SASS6: variants seen among roughly 807,000 people sequenced by gnomAD.
SASS6 encodes SAS-6 centriolar assembly protein.
A neutral mutation model predicts 94.9 loss-of-function variants in SASS6; 59 were observed. The ratio of observed to expected loss-of-function variants is 0.62; its 90% CI spans 0.50 to 0.77. SASS6 has a LOEUF of 0.77. SASS6 is among the 30% of genes least tolerant of loss of function. The pLI is 0.00. For missense variants in SASS6, 698 were observed against 734.1 expected, an observed-to-expected ratio of 0.95 and a Z score of 0.57; for synonymous variants, 264 against 270.0, an observed-to-expected ratio of 0.98 and a Z score of 0.22.
chr1:100,092,637 G>A (rs1477636580), intron 14 of SASS6, among the ~76,000 whole-genome samples: 2 of 151,892 alleles, frequency 1.3e-5, no homozygotes, highest in Admixed American at 6.6e-5. Flanking sequence ...GTGCAGAGGC[G>A]CAATCTCGGC....
At chr1:100,102,321 T>C (rs918571255) in intron 14 of SASS6, among the ~76,000 whole-genome samples, 6 of 151,974 alleles carry the variant, frequency 3.9e-5, no homozygotes, top group Admixed American at 3.9e-4. Context: ...TCCAACAGTA[T>C]GAAGTCAGAA....
At chr1:100,129,574 T>G (rs1421367696) in intron 1 of SASS6, among the ~76,000 whole-genome samples, 1 of 152,174 alleles carries the variant, frequency 6.6e-6, no homozygotes, top group Non-Finnish European at 1.5e-5. Flanking sequence ...CACCACACTA[T>G]CTAATAACTG....
chr1:100,098,632 C>T (rs1652258918), intron 14 of SASS6, among the ~76,000 whole-genome samples: 2 of 150,890 alleles, frequency 1.3e-5, no homozygotes, highest in Non-Finnish European at 2.9e-5. Flanking sequence ...GATGTATGCA[C>T]AAAAATATTT....
chr1:100,113,831 A>G (rs770980599), intron 7 of SASS6, among the ~76,000 whole-genome samples: 2 of 152,040 alleles, frequency 1.3e-5, no homozygotes, highest in Non-Finnish European at 2.9e-5. Flanking sequence ...AAATCACAAG[A>G]CAATATGCAC....
At chr1:100,108,124 G>GTACAGATTTTTTTTTAAAAGCATAAA in intron 8 of SASS6, 120 bp from the exon 9 acceptor site, 1 of 543,182 alleles carries the variant, frequency 1.8e-6, no homozygotes, top group Non-Finnish European at 3.1e-6. Flanking sequence ...TAAAGTTTTA[G>GTACAGATTTTTTTTTAAAAGCATAAA]TACAGATTTT....
At position 100,121,504 on chromosome 1, in the gene SASS6, T is replaced by C. The variant is rs773580243; in HGVS notation, c.357A>G (p.Ser119=). The C allele has an allele frequency of 1.9e-5, 31 of 1,600,688 alleles. No individual in the cohort carries two copies. The highest frequency in any genetic ancestry group is 3.4e-5 in the Admixed American group (2 of 58,208). The change falls in exon 5 of 17, where the codon TCA becomes TCG. Residue 119 remains serine, a synonymous_variant. Transcript: ENST00000287482. ...LVSPAAILDN[S]PAFLNVVETN... ...TCTCTACCACATTTAAAAATGCAGGTGAGTTATCCAAAATAGCTGCTGGAG... is the reference window on the plus strand; with the variant it reads ...TCTCTACCACATTTAAAAATGCAGGCGAGTTATCCAAAATAGCTGCTGGAG...
intron 7 of SASS6, 109 bp from the exon 8 acceptor site, chr1:100,110,592 C>CT: frequency 2.2e-5 from 12 of 533,810 alleles, no homozygotes; most frequent in East Asian, 3.4e-5. Context: ...TTTTCTTTTT[C>CT]TTTTTTGTCT....
rs113803226 is a variant in SASS6 at position 100,122,409 on chromosome 1, A to G, written c.282T>C (p.Cys94=). Residue 94 remains cysteine (C), a synonymous_variant, in exon 4 of 17, where the codon TGT becomes TGC. Transcript: ENST00000287482. ...GAATTTCTTTGGCATGTTCTTGAGT[A>G]CATTGCTGAAGGAGATCTATAAATT... ...PQKFIDLLQQ[C]TQEHAKEIPR... is the part of the protein sequence containing the mutation. The G allele has an allele frequency of 1.3e-6, 2 of 1,551,926 alleles. No individual in the cohort carries two copies. The highest frequency in any genetic ancestry group is 1.8e-6 in the Non-Finnish European group (2 of 1,127,138).
At chr1:100,087,127 C>T (rs1009454073) in intron 15 of SASS6, among the ~76,000 whole-genome samples, 9 of 152,084 alleles carry the variant, frequency 5.9e-5, no homozygotes, top group Admixed American at 1.3e-4. Flanking sequence ...TGAGATTACA[C>T]GTGCCCACCA....
At chr1:100,126,442 A>G (rs1654623693) in intron 1 of SASS6, among the ~76,000 whole-genome samples, 1 of 152,250 alleles carries the variant, frequency 6.6e-6, no homozygotes, top group South Asian at 2.1e-4. Flanking sequence ...TTACCATGTC[A>G]TGTAATCAAA....
intron 14 of SASS6, among the ~76,000 whole-genome samples, chr1:100,100,202 GT>G (rs1652375077): frequency 6.6e-6 from 1 of 152,134 alleles, no homozygotes; most frequent in African/African-American, 2.4e-5. Context: ...GGAGGTGGAG[GT>G]TGCAGTGAGC....
intron 14 of SASS6, among the ~76,000 whole-genome samples, chr1:100,099,849 C>G (rs1645589983): frequency 6.6e-6 from 1 of 152,106 alleles, no homozygotes; most frequent in South Asian, 2.1e-4. Context: ...AGAATTGTCT[C>G]CCTAAGCCTT....
intron 7 of SASS6, among the ~76,000 whole-genome samples, chr1:100,114,699 C>A (rs1034294411): frequency 7.2e-5 from 11 of 151,944 alleles, no homozygotes; most frequent in African/African-American, 1.7e-4. Flanking sequence ...GCCTGGGCAA[C>A]AGAGCAAGAC....
chr1:100,120,531 C>A, intron 5 of SASS6, 72 bp from the exon 6 acceptor site: 1 of 699,892 alleles, frequency 1.4e-6, no homozygotes, highest in Non-Finnish European at 2.6e-6. Flanking sequence ...CAAAGTATAG[C>A]ATCAGCATCA....
chr1:100,087,128 G>A (rs114793320), intron 15 of SASS6, among the ~76,000 whole-genome samples: 7,445 of 152,106 alleles, frequency 0.049, 211 homozygotes, highest in African/African-American at 0.069. Flanking sequence ...GAGATTACAC[G>A]TGCCCACCAC....
chr1:100,118,882 G>A, intron 7 of SASS6, 136 bp downstream of exon 7: 1 of 474,484 alleles, frequency 2.1e-6, no homozygotes, highest in Non-Finnish European at 3.4e-6. Context: ...GACTTTGAAA[G>A]AGAGGATTTT....
At position 100,119,118 on chromosome 1, in the gene SASS6, TG is replaced by T; in HGVS notation, c.568del (p.Gln190LysfsTer3). ...FTRKTLAEKK[Q>X]ELDKLRNEWA... ...TTCATTCCGTAACTTATCTAATTCT[TG>T]TTTTTTTTCTGCTAATGTCTACATT... On this transcript the variant is annotated frameshift_variant, in exon 7 of 17. Coordinates refer to ENST00000287482, the MANE Select transcript of SASS6 (RefSeq NM_194292.3). LOFTEE classifies it high-confidence loss of function. 6.4e-7 allele frequency: 1 copy of T among 1,568,940 alleles called. No homozygotes were observed. The highest frequency in any genetic ancestry group is 8.7e-7 in the Non-Finnish European group (1 of 1,148,178).
intron 13 of SASS6, 70 bp from the exon 14 acceptor site, chr1:100,103,153 G>A: frequency 1.0e-6 from 1 of 984,714 alleles, no homozygotes; most frequent in Non-Finnish European, 1.5e-6. Context: ...TGATCAGGTG[G>A]CATTAGCATC....
intron 8 of SASS6, among the ~76,000 whole-genome samples, chr1:100,108,328 T>A (rs1191644468): frequency 6.6e-6 from 1 of 152,086 alleles, no homozygotes; most frequent in Non-Finnish European, 1.5e-5. Flanking sequence ...TAACCACGGG[T>A]GAGAGCCGCC....
Sources: allele counts gnomAD v4.1 joint callset (sites outside exome capture counted in the v4.1 genomes callset), GRCh38; gene constraint gnomAD v4.1.1; transcripts MANE v1.5; gene names NCBI Gene and HGNC (gene_info 2026-07-23, HGNC 2026-07-21).